The following NFIA variants were observed in gnomAD, a reference collection of about 807,000 sequenced individuals.
NFIA encodes nuclear factor 1 A-type.
Under a neutral mutation model 62.8 loss-of-function variants are expected in NFIA, and 8 were observed. That is an observed-to-expected ratio of 0.13 (90% CI 0.07 to 0.23). NFIA has a LOEUF of 0.23. Ranked by LOEUF, NFIA falls within the 10% of genes least tolerant of loss-of-function variation. NFIA has a pLI of 1.00. For synonymous variants in NFIA, 235 were observed against 238.1 expected (o/e 0.99, Z 0.12); for missense variants, 410 against 642.1 (o/e 0.64, Z 3.91).
At chr1:61,326,549 G>T (rs1022917541) in intron 3 of NFIA, among the ~76,000 whole-genome samples, 1 of 152,198 alleles carries the variant, frequency 6.6e-6, no homozygotes, top group African/African-American at 2.4e-5. Flanking sequence ...ACCCCATCAG[G>T]CAGTGTGTCA....
chr1:61,409,293 T>A (rs759419009), intron 9 of NFIA, among the ~76,000 whole-genome samples: 1 of 152,242 alleles, frequency 6.6e-6, no homozygotes, highest in Non-Finnish European at 1.5e-5. Flanking sequence ...CAGAAAGGTT[T>A]TTATCATCAT....
At chr1:61,299,951 G>C (rs1659403725) in intron 3 of NFIA, among the ~76,000 whole-genome samples, 1 of 152,078 alleles carries the variant, frequency 6.6e-6, no homozygotes, top group African/African-American at 2.4e-5. Flanking sequence ...CTCATGAGAT[G>C]AAAGAGTTTT....
At chr1:61,132,563 G>C (rs1454377981) in intron 2 of NFIA, 1 of 152,098 alleles carries the variant, frequency 6.6e-6, no homozygotes, top group East Asian at 1.9e-4. Flanking sequence ...AGTGTCTTTT[G>C]GCATGGCTGG....
intron 2 of NFIA, among the ~76,000 whole-genome samples, chr1:61,172,177 AT>A (rs780143129): frequency 9.8e-5 from 15 of 152,304 alleles, no homozygotes; most frequent in Admixed American, 2.6e-4. Flanking sequence ...TTGGCAGTGA[AT>A]TTCTGCTTCC....
intron 2 of NFIA, among the ~76,000 whole-genome samples, chr1:61,235,499 TAAATAAAA>T (rs1277035105): frequency 7.7e-5 from 11 of 142,846 alleles, no homozygotes; most frequent in African/African-American, 2.3e-4. Flanking sequence ...AATAAATAAA[TAAATAAAA>T]ATAAAAAATA....
chr1:61,121,484 G>A (rs1570201166), intron 2 of NFIA, among the ~76,000 whole-genome samples: 1 of 152,006 alleles, frequency 6.6e-6, no homozygotes, highest in East Asian at 1.9e-4. Flanking sequence ...TTGCATTTTT[G>A]CCCTGGAATT....
intron 2 of NFIA, among the ~76,000 whole-genome samples, chr1:61,243,974 T>G (rs542070297): frequency 6.6e-5 from 10 of 152,154 alleles, no homozygotes; most frequent in African/African-American, 2.4e-4. Flanking sequence ...TTTAAAAGAG[T>G]TGTTTGTGTT....
chr1:61,142,655 A>G (rs1276160752), intron 2 of NFIA, among the ~76,000 whole-genome samples: 2 of 152,198 alleles, frequency 1.3e-5, no homozygotes, highest in South Asian at 2.1e-4. Context: ...TTTACTCGTA[A>G]TTTTAGTTTT....
chr1:61,440,664 G>A (rs1667533886), intron 10 of NFIA, among the ~76,000 whole-genome samples: 1 of 150,012 alleles, frequency 6.7e-6, no homozygotes. Context: ...TCCTCCCGAT[G>A]CTTTTTTTTT....
At chr1:61,422,213 T>C (rs918860684) in intron 9 of NFIA, among the ~76,000 whole-genome samples, 1 of 152,196 alleles carries the variant, frequency 6.6e-6, no homozygotes, top group South Asian at 2.1e-4. Context: ...CAGTAAGCTG[T>C]GTTCCTGCCA....
At chr1:61,171,944 A>G (rs1282931947) in intron 2 of NFIA, among the ~76,000 whole-genome samples, 2 of 152,204 alleles carry the variant, frequency 1.3e-5, no homozygotes, top group African/African-American at 4.8e-5. Flanking sequence ...CACTGAGTGC[A>G]GAGAAAGGAA....
intron 2 of NFIA, among the ~76,000 whole-genome samples, chr1:61,157,094 TA>T (rs1648872894): frequency 6.6e-6 from 1 of 152,252 alleles, no homozygotes. Flanking sequence ...TGGTGACTGT[TA>T]TTTTTCCTAG....
chr1:61,397,658 T>A (rs1401249244), intron 7 of NFIA, among the ~76,000 whole-genome samples: 1 of 152,196 alleles, frequency 6.6e-6, no homozygotes, highest in African/African-American at 2.4e-5. Flanking sequence ...CGCTATGAGG[T>A]ATTATTAGCC....
intron 2 of NFIA, among the ~76,000 whole-genome samples, chr1:61,270,697 T>G (rs1310190150): frequency 6.6e-6 from 1 of 152,172 alleles, no homozygotes; most frequent in Non-Finnish European, 1.5e-5. Context: ...TAATTTTGAT[T>G]GTGAAAAAAG....
At chr1:61,253,985 ATTAT>A (rs1174063380) in intron 2 of NFIA, among the ~76,000 whole-genome samples, 1 of 151,316 alleles carries the variant, frequency 6.6e-6, no homozygotes, top group South Asian at 2.1e-4. Context: ...ATTTTGTTTG[ATTAT>A]TTATTTTGTT....
chr1:61,387,511 C>T (rs1258512135), intron 7 of NFIA, among the ~76,000 whole-genome samples: 2 of 132,180 alleles, frequency 1.5e-5, no homozygotes, highest in African/African-American at 3.0e-5. Flanking sequence ...TCTCGTCAAG[C>T]AGTACTTTCA....
At chr1:61,106,319 A>G (rs1250718223) in intron 2 of NFIA, among the ~76,000 whole-genome samples, 1 of 151,844 alleles carries the variant, frequency 6.6e-6, no homozygotes, top group Non-Finnish European at 1.5e-5. Flanking sequence ...AAATATTAAA[A>G]GACTGGATAA....
At chr1:61,451,257 G>A (rs572481203) in intron 10 of NFIA, among the ~76,000 whole-genome samples, 50 of 152,236 alleles carry the variant, frequency 3.3e-4, no homozygotes, top group South Asian at 8.3e-4. Flanking sequence ...ATTAACGGGC[G>A]GCAAGTGTGA....
At chr1:61,234,515 G>A (rs934322328) in intron 2 of NFIA, among the ~76,000 whole-genome samples, 4 of 152,070 alleles carry the variant, frequency 2.6e-5, no homozygotes, top group South Asian at 2.1e-4. Flanking sequence ...AGCTCTGAAA[G>A]TTTGTTCTCT....
Sources: allele counts gnomAD v4.1 joint callset (sites outside exome capture counted in the v4.1 genomes callset), GRCh38; gene constraint gnomAD v4.1.1; transcripts MANE v1.5; gene names NCBI Gene and HGNC (gene_info 2026-07-23, HGNC 2026-07-21).